Variants in KIAA1671 observed in about 807,000 individuals in gnomAD.
The protein encoded by KIAA1671 is uncharacterized protein KIAA1671.
A neutral mutation model predicts 131.2 loss-of-function variants in KIAA1671; 52 were observed. The ratio of observed to expected loss-of-function variants is 0.40; its 90% CI spans 0.32 to 0.50. The LOEUF (loss-of-function observed/expected upper bound fraction) is 0.50. Among genes scored for constraint, KIAA1671 ranks in the 20% least tolerant of loss-of-function variants. The pLI is 0.73. For missense variants in KIAA1671, 2,360 were observed against 2,364.2 expected (o/e 1.00, Z 0.04); for synonymous variants, 1,003 against 961.6 (o/e 1.04, Z -0.80).
chr22:24,964,202 G>T (rs926142259), intron 1 of KIAA1671, among the ~76,000 whole-genome samples: 1 of 151,740 alleles, frequency 6.6e-6, no homozygotes, highest in African/African-American at 2.4e-5. Flanking sequence ...GGTGGTGCAT[G>T]CCTATAGTCC....
intron 1 of KIAA1671, among the ~76,000 whole-genome samples, chr22:24,979,593 C>T (rs1231187584): frequency 1.1e-4 from 17 of 152,094 alleles, no homozygotes; most frequent in Non-Finnish European, 2.9e-5. Flanking sequence ...TTGTGATCCG[C>T]CCGCCTCGGC....
chr22:24,976,858 T>TGAG (rs1922942875), intron 1 of KIAA1671, among the ~76,000 whole-genome samples: 1 of 152,046 alleles, frequency 6.6e-6, no homozygotes, highest in African/African-American at 2.4e-5. Context: ...CTGCCAGTCA[T>TGAG]GAGTGGGACC....
chr22:25,038,662 T>G lies in KIAA1671; in HGVS notation c.1630-98T>G, dbSNP rs1322356405. On this transcript the variant is annotated intron_variant, in intron 4 of 12. Coordinates refer to ENST00000358431, the MANE Select transcript of KIAA1671 (RefSeq NM_001145206.2). ...TCAATTTTATGGTATTTCATTGTTT[T>G]AATTATACAAGCAGCCCTTTCAATT... 9 of 1,247,360 alleles carry G rather than the reference T, an allele frequency of 7.2e-6. No homozygotes were observed. In the South Asian group the frequency reaches 1.1e-4, roughly 16 times the overall value. 77.3% of individuals were successfully genotyped at this position (1,247,360 alleles called of 1,614,324 possible).
At chr22:24,984,689 G>C (rs1602044442) in intron 1 of KIAA1671, among the ~76,000 whole-genome samples, 1 of 152,000 alleles carries the variant, frequency 6.6e-6, no homozygotes, top group Non-Finnish European at 1.5e-5. Flanking sequence ...CGAGGTGGGC[G>C]GATCATGAGG....
chr22:25,180,733 G>A lies in KIAA1671; in HGVS notation c.5075-966G>A, dbSNP rs8141613. Among the ~76,000 whole-genome samples, 370 of 152,292 alleles carry A rather than the reference G, an allele frequency of 2.4e-3. 3 individuals are homozygous for A. Among genetic ancestry groups the A allele is most frequent in the African/African-American group, 8.5e-3 (355 of 41,560 alleles). On this transcript the variant is annotated intron_variant, in intron 9 of 12. Coordinates refer to ENST00000358431, the MANE Select transcript of KIAA1671 (RefSeq NM_001145206.2). ...GAGTGAGGGGCATTGCTTCTGACCA[G>A]ATACCTTAAAGAAATGCTTGGAGAG... is the stretch of plus-strand genomic sequence containing the variant.
chr22:25,189,612 A>G (rs889464159), intron 11 of KIAA1671, among the ~76,000 whole-genome samples: 1 of 152,224 alleles, frequency 6.6e-6, no homozygotes, highest in Non-Finnish European at 1.5e-5. Flanking sequence ...ATAAACATCT[A>G]GAATAGTGTC....
chr22:25,119,094 T>TG (rs1931816352), intron 6 of KIAA1671, among the ~76,000 whole-genome samples: 1 of 152,192 alleles, frequency 6.6e-6, no homozygotes, highest in Non-Finnish European at 1.5e-5. Context: ...GCCAGGGCTT[T>TG]GGCCGTCCTG....
At chr22:25,110,415 C>T (rs1256066120) in intron 6 of KIAA1671, among the ~76,000 whole-genome samples, 1 of 152,154 alleles carries the variant, frequency 6.6e-6, no homozygotes, top group Non-Finnish European at 1.5e-5. Flanking sequence ...GGGCCAGGTA[C>T]CATGTCAGAC....
At chr22:24,968,009 A>G (rs1922397750) in intron 1 of KIAA1671, among the ~76,000 whole-genome samples, 1 of 152,070 alleles carries the variant, frequency 6.6e-6, no homozygotes, top group Non-Finnish European at 1.5e-5. Context: ...AAAGAAAAAA[A>G]GACTTGGATG....
chr22:25,153,726 G>A (rs1421632817), intron 6 of KIAA1671, among the ~76,000 whole-genome samples: 3 of 152,204 alleles, frequency 2.0e-5, no homozygotes, highest in Non-Finnish European at 2.9e-5. Flanking sequence ...CTGGGCACTC[G>A]GATGTTGCCC....
At chr22:25,023,376 A>C (rs1396803756) in intron 1 of KIAA1671, 2 of 152,186 alleles carry the variant, frequency 1.3e-5, no homozygotes, top group African/African-American at 4.8e-5. Context: ...AAATATAAAA[A>C]TAAAAAATAA....
intron 1 of KIAA1671, among the ~76,000 whole-genome samples, chr22:25,004,885 G>C (rs1364298623): frequency 6.6e-6 from 1 of 151,790 alleles, no homozygotes; most frequent in Admixed American, 6.6e-5. Flanking sequence ...GGCGGAGCTT[G>C]CAGTGAGCTG....
chr22:25,095,584 G>A (rs140979432), intron 6 of KIAA1671, among the ~76,000 whole-genome samples: 5,119 of 152,300 alleles, frequency 0.034, 134 homozygotes, highest in Middle Eastern at 0.075. Context: ...CCAGGAGGTG[G>A]AGCTTGCAGT....
chr22:25,182,807 G>C (rs2146037777), intron 10 of KIAA1671, among the ~76,000 whole-genome samples: 1 of 152,304 alleles, frequency 6.6e-6, no homozygotes, highest in South Asian at 2.1e-4. Context: ...AACAAACCCA[G>C]GCTCCTGAAG....
chr22:25,138,375 C>T (rs1003797709), intron 6 of KIAA1671, among the ~76,000 whole-genome samples: 2 of 152,158 alleles, frequency 1.3e-5, no homozygotes, highest in African/African-American at 4.8e-5. Context: ...CATGACTGCA[C>T]CTGAGACCAA....
chr22:25,180,679 C>G (rs1440278399), intron 9 of KIAA1671, among the ~76,000 whole-genome samples: 1 of 152,206 alleles, frequency 6.6e-6, no homozygotes, highest in Non-Finnish European at 1.5e-5. Context: ...CCATAGCAAA[C>G]ATTAGGATGT....
At chr22:25,158,235 CAGT>C (rs1038831638) in intron 6 of KIAA1671, among the ~76,000 whole-genome samples, 5 of 152,194 alleles carry the variant, frequency 3.3e-5, no homozygotes, top group African/African-American at 1.2e-4. Flanking sequence ...GGGTAAATAG[CAGT>C]GTCATTCTGA....
intron 6 of KIAA1671, among the ~76,000 whole-genome samples, chr22:25,096,693 C>T (rs1408454423): frequency 6.6e-6 from 1 of 152,192 alleles, no homozygotes; most frequent in African/African-American, 2.4e-5. Context: ...TATGTGTATT[C>T]CCGTGGAACC....
chr22:25,117,131 A>G (rs77407885), intron 6 of KIAA1671, among the ~76,000 whole-genome samples: 2,198 of 152,266 alleles, frequency 0.014, 29 homozygotes, highest in Middle Eastern at 0.034. Flanking sequence ...CAGAATCACA[A>G]TGCCCCCTCC....
Sources: gnomAD v4.1 joint callset for allele counts (sites outside exome capture counted in the v4.1 genomes callset) on GRCh38, gnomAD v4.1.1 for gene constraint, MANE v1.5 for transcripts, NCBI Gene and HGNC (gene_info 2026-07-23, HGNC 2026-07-21) for gene names.